SGCD: variants seen among roughly 807,000 people sequenced by gnomAD.
SGCD encodes sarcoglycan delta, also known as delta-sarcoglycan.
SGCD carries 18 observed loss-of-function variants against 36.6 expected under a neutral mutation model. The observed-to-expected ratio is 0.49, with a 90% CI of 0.34 to 0.73. The LOEUF is 0.73. SGCD is among the 30% of genes least tolerant of loss of function. The pLI, the probability that SGCD is intolerant of heterozygous loss-of-function variation, is 0.01. For synonymous variants in SGCD, 133 were observed against 130.6 expected (o/e 1.02, Z -0.12); for missense variants, 387 against 346.7 (o/e 1.12, Z -0.92).
At chr5:156,551,335 T>A (rs560110987) in intron 4 of SGCD, among the ~76,000 whole-genome samples, 1 of 152,266 alleles carries the variant, frequency 6.6e-6, no homozygotes, top group African/African-American at 2.4e-5. Context: ...TATTTGCCTT[T>A]TTAGCTTTTG....
chr5:155,829,618 C>T, the SGCD span, among the ~76,000 whole-genome samples: 1 of 152,200 alleles, frequency 6.6e-6, no homozygotes, highest in African/African-American at 2.4e-5. Flanking sequence ...TGCAAGACAA[C>T]TGGTTTTTGT....
intron 1 of SGCD, among the ~76,000 whole-genome samples, chr5:156,004,859 G>A (rs2127568988): frequency 6.6e-6 from 1 of 152,252 alleles, no homozygotes; most frequent in African/African-American, 2.4e-5. Flanking sequence ...GCCCATTCTC[G>A]CCTCTGGTTC....
In SGCD at chr5:156,188,662, C is replaced by T. The variant is rs981861007; in HGVS notation, c.-44+64643C>T. ...AAGCCTCAGTGTCTCTCTGACCACC[C>T]CAACCGCCCCCCCCGACACACATAC... On this transcript the variant is annotated intron_variant, in intron 3 of 9. Coordinates refer to the SGCD transcript ENST00000517913. Among the ~76,000 whole-genome samples, 3 of 88,406 alleles carry T rather than the reference C, an allele frequency of 3.4e-5. No homozygotes were observed. The East Asian group carries it at 1.0e-3, about 30-fold the overall frequency. 58.0% of individuals were successfully genotyped at this position (88,406 alleles called of 152,430 possible).
intron 3 of SGCD, among the ~76,000 whole-genome samples, chr5:156,141,564 A>G (rs1034758771): frequency 6.6e-6 from 1 of 152,224 alleles, no homozygotes; most frequent in Non-Finnish European, 1.5e-5. Context: ...CTCATTGGGT[A>G]AAAAGACAAA....
rs367662572 is a variant in SGCD at position 156,646,199 on chromosome 5, T to C, written c.503-1265T>C. 1.8e-4 allele frequency among the ~76,000 whole-genome samples: 28 copies of C among 152,130 alleles called. No homozygotes were observed. The South Asian group carries it at 5.6e-3, about 30-fold the overall frequency. ...GGTTGGACAATGGGAGCTGAGTGAG[T>C]GGGAGTTGAGGGAGCATGAGCATCT... On this transcript the variant is annotated intron_variant, in intron 6 of 8. Transcript: ENST00000337851.
intron 4 of SGCD, among the ~76,000 whole-genome samples, chr5:156,540,706 T>C (rs983881601): frequency 2.0e-5 from 3 of 152,184 alleles, no homozygotes; most frequent in African/African-American, 7.2e-5. Flanking sequence ...GAAATCCTAA[T>C]GAGCCACGTT....
At chr5:155,851,191 A>G in the SGCD span, among the ~76,000 whole-genome samples, 1 of 152,296 alleles carries the variant, frequency 6.6e-6, no homozygotes, top group Non-Finnish European at 1.5e-5. Flanking sequence ...TCTGACATGA[A>G]TATGGCGACA....
At chr5:156,327,630 T>A (rs1490604010) in intron 1 of SGCD, among the ~76,000 whole-genome samples, 1 of 152,148 alleles carries the variant, frequency 6.6e-6, no homozygotes, top group Non-Finnish European at 1.5e-5. Context: ...TCGCAAGAGT[T>A]TTAATGGGGA....
chr5:155,750,094 T>G, the SGCD span, among the ~76,000 whole-genome samples: 1 of 152,204 alleles, frequency 6.6e-6, no homozygotes, highest in Non-Finnish European at 1.5e-5. Flanking sequence ...TAAACTAACT[T>G]TTAGTTTAAA....
At chr5:156,096,522 T>G (rs750298332) in intron 1 of SGCD, among the ~76,000 whole-genome samples, 14 of 152,178 alleles carry the variant, frequency 9.2e-5, no homozygotes, top group Non-Finnish European at 5.9e-5. Context: ...TTATATTGAG[T>G]CATTGCCCCA....
At chr5:156,225,685 T>C (rs1408567419) in intron 3 of SGCD, among the ~76,000 whole-genome samples, 2 of 152,096 alleles carry the variant, frequency 1.3e-5, no homozygotes, top group African/African-American at 2.4e-5. Context: ...TCTCTATCAA[T>C]AGTATCCTTA....
intron 3 of SGCD, among the ~76,000 whole-genome samples, chr5:156,391,617 G>T (rs141644302): frequency 8.5e-4 from 130 of 152,270 alleles, no homozygotes; most frequent in African/African-American, 2.8e-3. Context: ...ATCTAGATAT[G>T]ATTTAAAGTG....
chr5:156,164,602 A>G (rs1402078568), intron 3 of SGCD, among the ~76,000 whole-genome samples: 1 of 152,198 alleles, frequency 6.6e-6, no homozygotes, highest in Admixed American at 6.5e-5. Flanking sequence ...TATTCATTTG[A>G]TATTTGGTTC....
intron 3 of SGCD, among the ~76,000 whole-genome samples, chr5:156,504,496 C>T (rs1483552897): frequency 1.3e-5 from 2 of 150,792 alleles, no homozygotes; most frequent in Non-Finnish European, 2.9e-5. Context: ...CTGATTGTTT[C>T]AGTCAATAAT....
At chr5:156,278,249 T>C (rs1489610725) in intron 3 of SGCD, among the ~76,000 whole-genome samples, 1 of 152,186 alleles carries the variant, frequency 6.6e-6, no homozygotes, top group Non-Finnish European at 1.5e-5. Context: ...TGGAGGGTTT[T>C]GAACCATGGT....
chr5:156,114,932 G>A (rs976735967), intron 1 of SGCD, among the ~76,000 whole-genome samples: 2 of 152,006 alleles, frequency 1.3e-5, no homozygotes, highest in Admixed American at 1.3e-4. Context: ...GACAGGGATA[G>A]CAGGTAATAG....
rs1758296772 is a variant in SGCD, at chr5:156,540,217, A to G, written c.294+31515A>G. Among the ~76,000 whole-genome samples the G allele has an allele frequency of 2.0e-5, 3 of 152,154 alleles. No homozygotes were observed. In the South Asian group the frequency reaches 6.2e-4, roughly 31 times the overall value. On this transcript the variant is annotated intron_variant, in intron 4 of 8. Transcript: ENST00000337851. ...GTTTCAAACTCAATATGGCTCTAAT[A>G]AGATAGAAATATTGTATGTAAAGCA...
chr5:156,738,412 C>T (rs922740316), intron 7 of SGCD, among the ~76,000 whole-genome samples: 1 of 152,178 alleles, frequency 6.6e-6, no homozygotes, highest in African/African-American at 2.4e-5. Flanking sequence ...AGCTTCTATT[C>T]ACAGTTCAGA....
chr5:155,905,335 C>G (rs1030454950), intron 1 of SGCD, among the ~76,000 whole-genome samples: 1 of 152,012 alleles, frequency 6.6e-6, no homozygotes, highest in Non-Finnish European at 1.5e-5. Context: ...CATGGTATAA[C>G]CTTAGAAATT....
Sources: allele counts gnomAD v4.1 joint callset (sites outside exome capture counted in the v4.1 genomes callset), GRCh38; gene constraint gnomAD v4.1.1; transcripts MANE v1.5; gene names NCBI Gene and HGNC (gene_info 2026-07-23, HGNC 2026-07-21).